The following EXOC5 variants were observed in gnomAD, a reference collection of about 807,000 sequenced individuals.
The protein encoded by EXOC5 is exocyst complex component 5.
EXOC5 carries 17 observed loss-of-function variants against 90.8 expected under a neutral mutation model. The observed-to-expected ratio is 0.19, with a 90% CI of 0.13 to 0.28. EXOC5 has a LOEUF of 0.28. Among genes scored for constraint, EXOC5 ranks in the 10% least tolerant of loss-of-function variants. The pLI, the probability that EXOC5 is intolerant of heterozygous loss-of-function variation, is 1.00. For synonymous variants in EXOC5, 260 were observed against 270.0 expected (o/e 0.96, Z 0.36); for missense variants, 569 against 830.6 (o/e 0.69, Z 3.87).
At chr14:57,218,562 A>G (rs951923152) in intron 14 of EXOC5, among the ~76,000 whole-genome samples, 1 of 152,064 alleles carries the variant, frequency 6.6e-6, no homozygotes, top group African/African-American at 2.4e-5. Flanking sequence ...CAGAATGTCA[A>G]AACATTCAAA....
chr14:57,219,387 T>C lies in EXOC5; in HGVS notation c.1461A>G (p.Gln487=). 6.4e-7 allele frequency: 1 copy of C among 1,556,028 alleles called. No individual in the cohort carries two copies. The highest frequency in any genetic ancestry group is 1.4e-5 in the African/African-American group (1 of 73,650). ...AAAGATGAAAAATAGTATTGGCCTGTTGCACAACGTCCAAAAAATAAAGAT... is the reference window on the plus strand; with the variant it reads ...AAAGATGAAAAATAGTATTGGCCTGCTGCACAACGTCCAAAAAATAAAGAT... ...NANLYFLDVV[Q]QANTIFHLFD... is the part of the protein sequence containing the mutation. The change falls in exon 14 of 18, where the codon CAA becomes CAG. Residue 487 remains glutamine (Q), a synonymous_variant. Coordinates refer to ENST00000621441, the MANE Select transcript of EXOC5 (RefSeq NM_006544.4).
chr14:57,253,282 A>G (rs1884247236), intron 1 of EXOC5, among the ~76,000 whole-genome samples: 1 of 152,228 alleles, frequency 6.6e-6, no homozygotes, highest in Non-Finnish European at 1.5e-5. Flanking sequence ...AATTCCATTT[A>G]CAACAGCACC....
chr14:57,208,466 G>A lies in EXOC5; in HGVS notation c.*143C>T, dbSNP rs1462080337. 1.3e-5 allele frequency: 7 copies of A among 541,414 alleles called. No homozygotes were observed. Among genetic ancestry groups the A allele is most frequent in the Admixed American group, 8.4e-5 (3 of 35,540 alleles). 33.5% of individuals were successfully genotyped at this position (541,414 alleles called of 1,614,324 possible). A position where few individuals can be genotyped will look rare whatever the true frequency, so the allele number is the denominator to read the frequency against. On this transcript the variant is annotated 3_prime_UTR_variant, in exon 18 of 18. Transcript: ENST00000621441. Reference sequence around the variant, plus strand: ...TAAAACCTCAAAGGTAAGTATGGCTGCTGTTTTGTTCCAGTCATTGTTTCA... The same window carrying A: ...TAAAACCTCAAAGGTAAGTATGGCTACTGTTTTGTTCCAGTCATTGTTTCA...
At chr14:57,244,747 A>C (rs956290456) in intron 3 of EXOC5, among the ~76,000 whole-genome samples, 1 of 152,196 alleles carries the variant, frequency 6.6e-6, no homozygotes, top group African/African-American at 2.4e-5. Context: ...AATAAAAAAT[A>C]TGTCAGTAGG....
At chr14:57,240,145 TAA>T (rs1248857593) in intron 4 of EXOC5, among the ~76,000 whole-genome samples, 1 of 152,012 alleles carries the variant, frequency 6.6e-6, no homozygotes, top group African/African-American at 2.4e-5. Context: ...AAAGAAAATA[TAA>T]AGTTTAATGT....
At position 57,201,615 on chromosome 14, in the gene EXOC5, T is replaced by C. The variant is rs1594638807; in HGVS notation, c.*6994A>G. On this transcript the variant is annotated 3_prime_UTR_variant, in exon 18 of 18. Transcript: ENST00000621441. ...ATATATAAAGGATGGCTGGTTAAGG[T>C]GGCTCACACCTGTAATCCCAGGACT... The C allele has an allele frequency of 1.4e-5, 2 of 147,422 alleles. No homozygotes were observed. Among genetic ancestry groups the C allele is most frequent in the African/African-American group, 4.9e-5 (2 of 40,406 alleles). The allele number at this position is 147,422 out of a possible 1,614,324, so 9.1% of individuals were successfully genotyped here.
At chr14:57,256,389 T>C (rs1884349869) in intron 1 of EXOC5, among the ~76,000 whole-genome samples, 2 of 152,092 alleles carry the variant, frequency 1.3e-5, no homozygotes, top group African/African-American at 2.4e-5. Flanking sequence ...CAGTTGAAGG[T>C]AAGGCAGAGT....
intron 15 of EXOC5, 121 bp from the exon 16 acceptor site, chr14:57,210,182 T>C (rs1882784236): frequency 1.3e-5 from 7 of 553,444 alleles, no homozygotes; most frequent in Non-Finnish European, 1.6e-5. Flanking sequence ...TGAAACTCTT[T>C]TACTATTGGT....
Position 57,244,227 on chromosome 14 carries a change from T to G in EXOC5, c.403A>C (p.Lys135Gln). 6.2e-7 allele frequency: 1 copy of G among 1,613,812 alleles called. No homozygotes were observed. Among genetic ancestry groups the G allele is most frequent in the East Asian group, 2.2e-5 (1 of 44,870 alleles). The change falls in exon 4 of 18, where the codon AAA becomes CAA. Residue 135 changes from lysine (K) to glutamine (Q), a missense_variant. Coordinates refer to ENST00000621441, the MANE Select transcript of EXOC5 (RefSeq NM_006544.4). ...CCATCTAGAAACTCATTAAAGTATT[T>G]CATCAATTTCTGAGCCTCCACTGCC... ...QRAVEAQKLMKYFNEFLDGEL... is the reference protein window; with the variant it reads ...QRAVEAQKLMQYFNEFLDGEL...
intron 9 of EXOC5, chr14:57,232,984 ACCTTT>A: frequency 2.9e-6 from 1 of 340,302 alleles, no homozygotes; most frequent in Non-Finnish European, 5.3e-6. Context: ...TAGGAATAAT[ACCTTT>A]TCTGTTAAAT....
chr14:57,240,212 CTTTT>C (rs57715659), intron 4 of EXOC5, among the ~76,000 whole-genome samples: 1 of 137,808 alleles, frequency 7.3e-6, no homozygotes. Flanking sequence ...TTCTTTCTGT[CTTTT>C]TTTTTTTTTT....
At chr14:57,221,850 G>A (rs148309995) in intron 13 of EXOC5, among the ~76,000 whole-genome samples, 26 of 152,140 alleles carry the variant, frequency 1.7e-4, no homozygotes, top group East Asian at 5.8e-4. Flanking sequence ...TTAATGAGAC[G>A]GGACTCAGGT....
Position 57,246,692 on chromosome 14 carries a change from T to G in EXOC5, c.270+19A>C. The G allele has an allele frequency of 1.2e-6, 2 of 1,602,758 alleles. No homozygotes were observed. The highest frequency in any genetic ancestry group is 2.2e-5 in the South Asian group (2 of 89,830). On this transcript the variant is annotated intron_variant, in intron 3 of 17. Coordinates refer to ENST00000621441, the MANE Select transcript of EXOC5 (RefSeq NM_006544.4). ...ATTATAGCCTATATAAAATACCCAT[T>G]TCTTAACAAAACGTTTACCTGATTG...
rs886125678 is a variant in EXOC5 at position 57,266,704 on chromosome 14, G to A, written c.27+1918C>T. 5.5e-4 allele frequency among the ~76,000 whole-genome samples: 42 copies of A among 76,748 alleles called. No individual in the cohort carries two copies. In the African/African-American group the frequency reaches 6.4e-3, roughly 12 times the overall value. 50.3% of individuals were successfully genotyped at this position (76,748 alleles called of 152,430 possible). A position where few individuals can be genotyped will look rare whatever the true frequency, so the allele number is the denominator to read the frequency against. On this transcript the variant is annotated intron_variant, in intron 1 of 17. Coordinates refer to ENST00000621441, the MANE Select transcript of EXOC5 (RefSeq NM_006544.4). The stretch of plus-strand genomic sequence containing the variant: ...TTATATATATGTATGTTATATATAC[G>A]TTATATATATATATGTGTATGTGTG...
intron 11 of EXOC5, 26 bp downstream of exon 11, chr14:57,231,480 C>G (rs921620094): frequency 6.6e-7 from 1 of 1,507,350 alleles, no homozygotes; most frequent in Non-Finnish European, 9.1e-7. Flanking sequence ...TCAGTTTTAA[C>G]AGAAGTATTT....
chr14:57,255,838 C>CAA (rs1258346261), intron 1 of EXOC5, among the ~76,000 whole-genome samples: 32 of 59,936 alleles, frequency 5.3e-4, no homozygotes, highest in African/African-American at 1.4e-3. Context: ...TCTCCAAAAG[C>CAA]AAAAAAAAAA....
At chr14:57,210,096 TCTAA>T (rs2139606453) in intron 15 of EXOC5, 35 bp from the exon 16 acceptor site, 1 of 896,600 alleles carries the variant, frequency 1.1e-6, no homozygotes, top group Non-Finnish European at 1.8e-6. Flanking sequence ...CTTTAACCCA[TCTAA>T]CTTACTCTAT....
intron 3 of EXOC5, among the ~76,000 whole-genome samples, chr14:57,246,080 T>C (rs1192843828): frequency 6.6e-6 from 1 of 151,804 alleles, no homozygotes; most frequent in Non-Finnish European, 1.5e-5. Flanking sequence ...AAATTCCAGA[T>C]AAGGCCCAGC....
In EXOC5 at chr14:57,205,290, A is replaced by T. The variant is rs985432088; in HGVS notation, c.*3319T>A. The stretch of plus-strand genomic sequence containing the variant: ...GATCTTTTCTTCTAAAGTATAGAAT[A>T]ATTACAGGATAGATCAGAGAGAAAT... On this transcript the variant is annotated 3_prime_UTR_variant, in exon 18 of 18. Transcript: ENST00000621441. 4 of 152,146 alleles carry T rather than the reference A, an allele frequency of 2.6e-5. No homozygotes were observed. The highest frequency in any genetic ancestry group is 9.7e-5 in the African/African-American group (4 of 41,450). The allele number at this position is 152,146 out of a possible 1,614,324, so 9.4% of individuals were successfully genotyped here. A position where few individuals can be genotyped will look rare whatever the true frequency, so the allele number is the denominator to read the frequency against.
Sources: allele counts gnomAD v4.1 joint callset (sites outside exome capture counted in the v4.1 genomes callset), GRCh38; gene constraint gnomAD v4.1.1; transcripts MANE v1.5; gene names NCBI Gene and HGNC (gene_info 2026-07-23, HGNC 2026-07-21).